Variants in ESYT2 observed in about 807,000 individuals in gnomAD.
ESYT2 encodes extended synaptotagmin 2.
In ESYT2, 54 loss-of-function variants were observed where a neutral mutation model predicts 107.2. That is an observed-to-expected ratio of 0.50 (90% CI 0.40 to 0.63). The LOEUF (loss-of-function observed/expected upper bound fraction) is 0.63. Among genes scored for constraint, ESYT2 ranks in the 30% least tolerant of loss-of-function variants. The pLI is 0.00. For missense variants in ESYT2, 1,020 were observed against 1,094.5 expected (o/e 0.93, Z 0.96); for synonymous variants, 491 against 434.1 (o/e 1.13, Z -1.63).
At chr7:158,753,185 A>C (rs574335958) in intron 13 of ESYT2, among the ~76,000 whole-genome samples, 1 of 152,214 alleles carries the variant, frequency 6.6e-6, no homozygotes, top group Non-Finnish European at 1.5e-5. Flanking sequence ...TGCTGAATAA[A>C]CCCCTAAAAT....
chr7:158,767,329 A>C lies in ESYT2; in HGVS notation c.924+325T>G, dbSNP rs113271426. ...GCTGAGGGCTGTCCATTTTAATAAA[A>C]ACAAATGCAGTATGTGCTTTCTGAG... On this transcript the variant is annotated intron_variant, in intron 8 of 22. Transcript: ENST00000275418. Among the ~76,000 whole-genome samples the C allele has an allele frequency of 1.1e-3, 162 of 152,334 alleles. 5 individuals are homozygous for C. Among genetic ancestry groups the C allele is most frequent in the African/African-American group, 3.6e-3 (151 of 41,562 alleles).
chr7:158,775,938 A>G (rs1177140889), intron 6 of ESYT2, among the ~76,000 whole-genome samples: 2 of 152,178 alleles, frequency 1.3e-5, no homozygotes. Flanking sequence ...GAAAGTTGAA[A>G]TTTCCCCTTG....
chr7:158,770,400 T>C (rs1435290342), intron 7 of ESYT2, among the ~76,000 whole-genome samples: 2 of 151,616 alleles, frequency 1.3e-5, no homozygotes, highest in Admixed American at 1.3e-4. Flanking sequence ...TTAGAAAAGA[T>C]ATTTTTACAT....
At chr7:158,761,187 C>T (rs1165393450) in intron 11 of ESYT2, among the ~76,000 whole-genome samples, 1 of 152,180 alleles carries the variant, frequency 6.6e-6, no homozygotes, top group East Asian at 1.9e-4. Flanking sequence ...CTCGCACAGC[C>T]CTGCCCTTAC....
chr7:158,781,396 CAA>C (rs926995788), intron 6 of ESYT2, among the ~76,000 whole-genome samples: 21 of 147,816 alleles, frequency 1.4e-4, no homozygotes, highest in East Asian at 4.0e-4. Context: ...GTGTTGAGAA[CAA>C]AGTGTGAGGT....
At chr7:158,782,332 AGT>A (rs1232941188) in intron 6 of ESYT2, among the ~76,000 whole-genome samples, 12 of 151,076 alleles carry the variant, frequency 7.9e-5, no homozygotes, top group South Asian at 2.1e-4. Context: ...GTGTGAGAAC[AGT>A]GTGAGGTGTG....
In ESYT2 at chr7:158,826,604, C is replaced by T. The variant is rs1320325034; in HGVS notation, c.330+2485G>A. On this transcript the variant is annotated intron_variant, in intron 1 of 22. Transcript: ENST00000275418. Reference sequence around the variant, plus strand: ...TTAGGAGGCTGAGGCGGGTGGATCACGAGGTCAAGAGATCGAGACCATCCT... The same window carrying T: ...TTAGGAGGCTGAGGCGGGTGGATCATGAGGTCAAGAGATCGAGACCATCCT... Among the ~76,000 whole-genome samples the T allele has an allele frequency of 7.9e-5, 12 of 151,018 alleles. No individual in the cohort carries two copies. The South Asian group carries it at 1.9e-3, about 24-fold the overall frequency.
At chr7:158,747,954 T>C (rs1837458773) in intron 16 of ESYT2, among the ~76,000 whole-genome samples, 1 of 152,208 alleles carries the variant, frequency 6.6e-6, no homozygotes. Flanking sequence ...CTAGAGGACA[T>C]ACCGCATAAT....
chr7:158,734,604 G>C, intron 21 of ESYT2, 133 bp from the exon 22 acceptor site: 1 of 748,656 alleles, frequency 1.3e-6, no homozygotes, highest in South Asian at 1.8e-5. Flanking sequence ...GCCTGGGCAA[G>C]ATAGTGAAAC....
chr7:158,824,845 AACTCTTCAAGAATCTTCCTC>A (rs1263138844), intron 1 of ESYT2, among the ~76,000 whole-genome samples: 1 of 152,220 alleles, frequency 6.6e-6, no homozygotes, highest in Non-Finnish European at 1.5e-5. Context: ...TCTCTATAAA[AACTCTTCAAGAATCTTCCTC>A]ACAGCCCTGA....
chr7:158,825,409 T>A (rs1317983983), intron 1 of ESYT2, among the ~76,000 whole-genome samples: 1 of 152,228 alleles, frequency 6.6e-6, no homozygotes, highest in Admixed American at 6.5e-5. Flanking sequence ...CAAAAAGCCC[T>A]GTCCTCAATT....
chr7:158,768,549 A>G (rs1018753752), intron 7 of ESYT2, among the ~76,000 whole-genome samples: 1 of 152,146 alleles, frequency 6.6e-6, no homozygotes, highest in African/African-American at 2.4e-5. Context: ...CCTCCGAAGT[A>G]GCTGGGATTA....
intron 20 of ESYT2, among the ~76,000 whole-genome samples, chr7:158,735,935 A>G (rs1395170063): frequency 1.3e-5 from 2 of 152,144 alleles, no homozygotes; most frequent in Non-Finnish European, 2.9e-5. Context: ...TAATGTTGAC[A>G]AAACAGCAAT....
At chr7:158,785,891 T>A (rs922918314) in intron 6 of ESYT2, among the ~76,000 whole-genome samples, 1 of 152,204 alleles carries the variant, frequency 6.6e-6, no homozygotes, top group African/African-American at 2.4e-5. Context: ...TCGTAAGGGT[T>A]TCTAAATCAT....
chr7:158,731,220 C>A lies in ESYT2; in HGVS notation c.*2987G>T, dbSNP rs1271082388. 2 of 152,162 alleles carry A rather than the reference C, an allele frequency of 1.3e-5. No homozygotes were observed. The highest frequency in any genetic ancestry group is 4.8e-5 in the African/African-American group (2 of 41,446). The allele number at this position is 152,162 out of a possible 1,614,324, so 9.4% of individuals were successfully genotyped here. On this transcript the variant is annotated 3_prime_UTR_variant, in exon 23 of 23. Coordinates refer to ENST00000275418, the MANE Select transcript of ESYT2 (RefSeq NM_001367773.1). ...TATGTGCCTGAAAAAGAAGGGCCGACCTCTTGATAAAGAATGTCTGTAAAA... is the reference window on the plus strand; with the variant it reads ...TATGTGCCTGAAAAAGAAGGGCCGAACTCTTGATAAAGAATGTCTGTAAAA...
chr7:158,781,378 G>A (rs1392714275), intron 6 of ESYT2, among the ~76,000 whole-genome samples: 1 of 152,056 alleles, frequency 6.6e-6, no homozygotes, highest in South Asian at 2.1e-4. Context: ...AAGTGTGAGA[G>A]TGAACGAGTG....
intron 13 of ESYT2, among the ~76,000 whole-genome samples, chr7:158,758,986 T>G (rs1377882621): frequency 6.6e-6 from 1 of 152,234 alleles, no homozygotes; most frequent in Admixed American, 6.5e-5. Flanking sequence ...TGGCTTCCTT[T>G]TGTTCTGCGA....
At chr7:158,771,100 C>T (rs990685515) in intron 7 of ESYT2, among the ~76,000 whole-genome samples, 2 of 152,178 alleles carry the variant, frequency 1.3e-5, no homozygotes, top group African/African-American at 4.8e-5. Flanking sequence ...TCTGTATTTA[C>T]GTGTGTATGT....
intron 16 of ESYT2, among the ~76,000 whole-genome samples, chr7:158,745,841 T>C (rs1347751352): frequency 6.6e-6 from 1 of 152,186 alleles, no homozygotes; most frequent in Non-Finnish European, 1.5e-5. Context: ...GAGATGTAGC[T>C]ACAGAATTTA....
Sources: gnomAD v4.1 joint callset for allele counts (sites outside exome capture counted in the v4.1 genomes callset) on GRCh38, gnomAD v4.1.1 for gene constraint, MANE v1.5 for transcripts, NCBI Gene and HGNC (gene_info 2026-07-23, HGNC 2026-07-21) for gene names.